Variants in PPFIA2 observed in about 807,000 individuals in gnomAD.
PPFIA2 encodes PPFI scaffold protein A2.
PPFIA2 carries 46 observed loss-of-function variants against 175.5 expected under a neutral mutation model. That is an observed-to-expected ratio of 0.26 (90% CI 0.21 to 0.34). The LOEUF (loss-of-function observed/expected upper bound fraction) is 0.34, where lower values mean the gene tolerates loss of function less well. Ranked by LOEUF, PPFIA2 falls within the 10% of genes least tolerant of loss-of-function variation. The probability of loss-of-function intolerance (pLI) is 1.00; values close to 1 mark genes in which losing one functional copy is unlikely to be tolerated. For synonymous variants in PPFIA2, 568 were observed against 511.4 expected, an observed-to-expected ratio of 1.11 and a Z score of -1.49; for missense variants, 1,179 against 1,506.1, an observed-to-expected ratio of 0.78 and a Z score of 3.60.
chr12:81,447,955 T>C (rs918415528), intron 5 of PPFIA2, among the ~76,000 whole-genome samples: 3 of 152,160 alleles, frequency 2.0e-5, no homozygotes, highest in African/African-American at 7.2e-5. Flanking sequence ...CATCTATCCT[T>C]CAATCTGATG....
chr12:81,407,295 G>A lies in PPFIA2; in HGVS notation c.646-1392C>T, dbSNP rs200037501. 2.0e-5 allele frequency among the ~76,000 whole-genome samples: 3 copies of A among 151,880 alleles called. No homozygotes were observed. In the East Asian group the frequency reaches 5.8e-4, roughly 29 times the overall value. Reference sequence around the variant, plus strand: ...AGGTCAGGAGTTCATGACCACCCTGGCCAACTGGTGAAACCTGTCTCTACT... The same window carrying A: ...AGGTCAGGAGTTCATGACCACCCTGACCAACTGGTGAAACCTGTCTCTACT... On this transcript the variant is annotated intron_variant, in intron 7 of 32. Coordinates refer to ENST00000549396, the MANE Select transcript of PPFIA2 (RefSeq NM_003625.5).
intron 4 of PPFIA2, among the ~76,000 whole-genome samples, chr12:81,523,483 C>T (rs533753099): frequency 6.6e-6 from 1 of 152,290 alleles, no homozygotes; most frequent in Admixed American, 6.5e-5. Flanking sequence ...TATTCAAGGA[C>T]ATGCATGCAC....
rs1165962983 is a variant in PPFIA2, at chr12:81,259,412, A to T, written c.*282T>A. The T allele has an allele frequency of 1.5e-6, 1 of 657,452 alleles. No individual in the cohort carries two copies. Among genetic ancestry groups the T allele is most frequent in the East Asian group, 2.9e-5 (1 of 34,674 alleles). The allele number at this position is 657,452 out of a possible 1,614,324, so 40.7% of individuals were successfully genotyped here. ...TGAAAAACAACTGGCTTCATTTCAT[A>T]AAAGCATCTGTTGTACAGAGTTTAT... On this transcript the variant is annotated 3_prime_UTR_variant, in exon 33 of 33. Coordinates refer to ENST00000549396, the MANE Select transcript of PPFIA2 (RefSeq NM_003625.5).
At chr12:81,405,701 A>G (rs377525505) in intron 8 of PPFIA2, 86 bp downstream of exon 8, 1 of 753,868 alleles carries the variant, frequency 1.3e-6, no homozygotes, top group Non-Finnish European at 2.1e-6. Flanking sequence ...TACTAAAAAA[A>G]TGTTCATTAT....
Position 81,277,414 on chromosome 12 carries a change from TC to T in PPFIA2, c.3213-1del. The T allele has an allele frequency of 2.0e-6, 3 of 1,495,430 alleles. No homozygotes were observed. Among genetic ancestry groups the T allele is most frequent in the South Asian group, 2.7e-5 (2 of 74,628 alleles). The allele number at this position is 1,495,430 out of a possible 1,614,324, so 92.6% of individuals were successfully genotyped here. A position where few individuals can be genotyped will look rare whatever the true frequency, so the allele number is the denominator to read the frequency against. ...ACATAATTCCATATTGTAAACTTGT[TC>T]TTTTTTTTTTATTAAAAAAAAAAAA... On this transcript the variant is annotated splice_acceptor_variant, in intron 27 of 32. Coordinates refer to ENST00000549396, the MANE Select transcript of PPFIA2 (RefSeq NM_003625.5). LOFTEE classifies it high-confidence loss of function.
At chr12:81,400,512 G>A (rs1415380690) in intron 8 of PPFIA2, among the ~76,000 whole-genome samples, 1 of 151,960 alleles carries the variant, frequency 6.6e-6, no homozygotes, top group African/African-American at 2.4e-5. Context: ...TCTTCATTTT[G>A]CTTTATGTAC....
At chr12:81,621,309 A>G (rs1238993568) in intron 4 of PPFIA2, among the ~76,000 whole-genome samples, 1 of 152,224 alleles carries the variant, frequency 6.6e-6, no homozygotes, top group African/African-American at 2.4e-5. Context: ...TGAGTAAGTG[A>G]GCAAGGGAGT....
chr12:81,370,161 A>T (rs1405778781), intron 11 of PPFIA2, among the ~76,000 whole-genome samples: 1 of 151,852 alleles, frequency 6.6e-6, no homozygotes, highest in Non-Finnish European at 1.5e-5. Context: ...CTAGACAATG[A>T]CTCAGGTGTA....
At chr12:81,463,329 T>C (rs1218122065) in intron 4 of PPFIA2, among the ~76,000 whole-genome samples, 1 of 152,158 alleles carries the variant, frequency 6.6e-6, no homozygotes, top group African/African-American at 2.4e-5. Context: ...CAAGTCTGAA[T>C]TAAAAGGAAT....
intron 14 of PPFIA2, among the ~76,000 whole-genome samples, chr12:81,363,400 TTG>T: frequency 6.6e-6 from 1 of 151,596 alleles, no homozygotes; most frequent in Admixed American, 6.6e-5. Context: ...TCACCATTAT[TTG>T]TACTTAATTA....
At chr12:81,415,152 T>C (rs2044708349) in intron 7 of PPFIA2, among the ~76,000 whole-genome samples, 2 of 115,224 alleles carry the variant, frequency 1.7e-5, no homozygotes, top group African/African-American at 3.3e-5. Context: ...GAGGTTTGCA[T>C]TGTGAGAATT....
chr12:81,705,835 T>C (rs1275749898), intron 3 of PPFIA2, among the ~76,000 whole-genome samples: 1 of 152,202 alleles, frequency 6.6e-6, no homozygotes, highest in African/African-American at 2.4e-5. Context: ...GTAGAAACTG[T>C]AGTTTATAGG....
intron 4 of PPFIA2, among the ~76,000 whole-genome samples, chr12:81,537,959 A>G (rs534276979): frequency 9.8e-4 from 149 of 152,016 alleles, no homozygotes; most frequent in African/African-American, 3.5e-3. Context: ...CAGTGGATCA[A>G]TCTCTCAAAC....
chr12:81,497,869 T>C (rs2060197930), intron 4 of PPFIA2, among the ~76,000 whole-genome samples: 1 of 152,118 alleles, frequency 6.6e-6, no homozygotes, highest in African/African-American at 2.4e-5. Context: ...TGTTCTGAAA[T>C]ATAACCTAAG....
At chr12:81,499,448 A>C (rs1246110191) in intron 4 of PPFIA2, among the ~76,000 whole-genome samples, 1 of 152,126 alleles carries the variant, frequency 6.6e-6, no homozygotes, top group Non-Finnish European at 1.5e-5. Flanking sequence ...CTCTTTCCCA[A>C]ATTAATTCTC....
At chr12:81,393,445 T>G (rs1355768221) in intron 8 of PPFIA2, among the ~76,000 whole-genome samples, 4 of 152,084 alleles carry the variant, frequency 2.6e-5, no homozygotes, top group African/African-American at 9.7e-5. Flanking sequence ...TCCTTTTAGA[T>G]GTGTAAATAT....
intron 3 of PPFIA2, among the ~76,000 whole-genome samples, chr12:81,747,714 TAGTAAGTAGCA>T: frequency 6.9e-6 from 1 of 144,314 alleles, no homozygotes; most frequent in South Asian, 2.3e-4. Context: ...GTTATTGAGC[TAGTAAGTAGCA>T]AGTCCAATTA....
chr12:81,305,646 C>A (rs2048956581), intron 22 of PPFIA2, among the ~76,000 whole-genome samples: 1 of 152,112 alleles, frequency 6.6e-6, no homozygotes, highest in Non-Finnish European at 1.5e-5. Context: ...TTGAGTGATG[C>A]CACTCATATC....
At position 81,300,200 on chromosome 12, in the gene PPFIA2, T is replaced by C. The variant is rs369767461; in HGVS notation, c.2643-818A>G. Among the ~76,000 whole-genome samples, 12 of 152,340 alleles carry C rather than the reference T, an allele frequency of 7.9e-5. No individual in the cohort carries two copies. In the East Asian group the frequency reaches 1.4e-3, roughly 17 times the overall value. ...TTGAGATCACTCATTGTTAAGATAG[T>C]AGCTATGTGCTTTCACTGAAATTCA... On this transcript the variant is annotated intron_variant, in intron 22 of 32. Coordinates refer to ENST00000549396, the MANE Select transcript of PPFIA2 (RefSeq NM_003625.5).
Sources: allele counts gnomAD v4.1 joint callset (sites outside exome capture counted in the v4.1 genomes callset), GRCh38; gene constraint gnomAD v4.1.1; transcripts MANE v1.5; gene names NCBI Gene and HGNC (gene_info 2026-07-23, HGNC 2026-07-21).